Variants in TTN observed in about 807,000 individuals in gnomAD.
TTN encodes the protein titin.
TTN carries 1,525 observed loss-of-function variants against 3,223.0 expected under a neutral mutation model. The observed-to-expected ratio is 0.47, with a 90% CI of 0.45 to 0.49. The LOEUF (loss-of-function observed/expected upper bound fraction) is 0.49. Ranked by LOEUF, TTN falls within the 20% of genes least tolerant of loss-of-function variation. TTN has a pLI of 0.00. For missense variants in TTN, 40,786 were observed against 43,424.0 expected, an observed-to-expected ratio of 0.94 and a Z score of 5.40; for synonymous variants, 14,094 against 15,161.0, an observed-to-expected ratio of 0.93 and a Z score of 5.17.
Position 178,568,067 on chromosome 2 carries a change from A to C in TTN, c.78065T>G (p.Val26022Gly). Residue 26022 changes from valine to glycine, a missense_variant, in exon 326 of 363, where the codon GTC becomes GGC. Coordinates refer to ENST00000589042, the MANE Select transcript of TTN (RefSeq NM_001267550.2). Reference protein sequence around the residue: ...HEPVNNGGSPVIGYHLERKER... With the variant: ...HEPVNNGGSPGIGYHLERKER... ...TTTTCTCTCCAGGTGGTAACCTATG[A>C]CGGGGCTTCCACCATTGTTGACTGG... 3 of 1,613,390 alleles carry C rather than the reference A, an allele frequency of 1.9e-6. No homozygotes were observed. The highest frequency in any genetic ancestry group is 2.5e-6 in the Non-Finnish European group (3 of 1,179,578).
In TTN at chr2:178,562,214, T is replaced by C; in HGVS notation, c.83918A>G (p.Asn27973Ser). 6.2e-7 allele frequency: 1 copy of C among 1,612,712 alleles called. No individual in the cohort carries two copies. Among genetic ancestry groups the C allele is most frequent in the Non-Finnish European group, 8.5e-7 (1 of 1,179,410 alleles). Residue 27973 changes from asparagine to serine, a missense_variant, in exon 326 of 363, where the codon AAT (asparagine) becomes AGT (serine). Transcript: ENST00000589042. ...PSVELPFHTFNVKAREQLKID... is the reference protein window; with the variant it reads ...PSVELPFHTFSVKAREQLKID... ...CTTAAGTTGTTCTCTAGCCTTTACATTGAAAGTATGGAAAGGAAGCTCAAC... is the reference window on the plus strand; with the variant it reads ...CTTAAGTTGTTCTCTAGCCTTTACACTGAAAGTATGGAAAGGAAGCTCAAC...
At position 178,733,682 on chromosome 2, in the gene TTN, C is replaced by T. The variant is rs755295120; in HGVS notation, c.15707G>A (p.Gly5236Asp). The T allele has an allele frequency of 5.6e-6, 9 of 1,613,798 alleles. No homozygotes were observed. The Admixed American group carries it at 1.3e-4, about 24-fold the overall frequency. The change falls in exon 53 of 363, where the codon GGC (glycine) becomes GAC (aspartate). Residue 5236 changes from glycine (G) to aspartate (D), a missense_variant. Physicochemically the swap from Gly to Asp is moderately conservative, Grantham distance 94. Transcript: ENST00000589042. ...ATTTTCAGCCAGGCACGTGTATTTGCCTCCAAAACTAATCTGAACATCAGG... is the reference window on the plus strand; with the variant it reads ...ATTTTCAGCCAGGCACGTGTATTTGTCTCCAAAACTAATCTGAACATCAGG... ...IIPDVQISFG[G>D]KYTCLAENEA... is the part of the protein sequence containing the mutation.
In TTN at chr2:178,533,396, G is replaced by C; in HGVS notation, c.103219C>G (p.Pro34407Ala). ...CCTTCATGGATAATTTCAATGTTAG[G>C]CCCGAGGGACAGTGGCTGACCATCT... ...EKDGQPLSLG[P>A]NIEIIHEGLD... Residue 34407 changes from proline to alanine, a missense_variant, in exon 358 of 363, where the codon CCT (proline) becomes GCT (alanine). Coordinates refer to ENST00000589042, the MANE Select transcript of TTN (RefSeq NM_001267550.2). 6.2e-7 allele frequency: 1 copy of C among 1,613,642 alleles called. No homozygotes were observed. The highest frequency in any genetic ancestry group is 8.5e-7 in the Non-Finnish European group (1 of 1,179,858).
Position 178,784,175 on chromosome 2 carries a change from G to A in TTN, c.2670C>T (p.Tyr890=), listed in dbSNP as rs879035696. The change falls in exon 16 of 363, where the codon TAC becomes TAT. Residue 890 remains tyrosine, a synonymous_variant. Transcript: ENST00000589042. ...QFPFADTPDT[Y]KSEAGVEVKK... ...TCACCTCAACGCCAGCTTCACTCTT[G>A]TAAGTATCTGGTGTGTCAGCGAAGG... 1.9e-6 allele frequency: 3 copies of A among 1,614,036 alleles called. No individual in the cohort carries two copies. In the African/African-American group the frequency reaches 4.0e-5, roughly 22 times the overall value.
At position 178,635,235 on chromosome 2, in the gene TTN, T is replaced by C. The variant is rs779561282; in HGVS notation, c.41954A>G (p.Asp13985Gly). ...TIYEKESASFDAEISEADIPG... is the reference protein window; with the variant it reads ...TIYEKESASFGAEISEADIPG... ...AATGTCTGCCTCTGAGATTTCTGCA[T>C]CAAAGCTTGCACTTTCTTTCTCATA... Residue 13985 changes from aspartate to glycine, a missense_variant, in exon 228 of 363, where the codon GAT (aspartate) becomes GGT (glycine). Coordinates refer to ENST00000589042, the MANE Select transcript of TTN (RefSeq NM_001267550.2). The C allele has an allele frequency of 1.9e-6, 3 of 1,613,356 alleles. No individual in the cohort carries two copies. Among genetic ancestry groups the C allele is most frequent in the Non-Finnish European group, 1.7e-6 (2 of 1,179,516 alleles).
chr2:178,789,940 A>C (rs748598342), intron 12 of TTN, 38 bp downstream of exon 12: 38 of 1,611,408 alleles, frequency 2.4e-5, no homozygotes, highest in Non-Finnish European at 3.1e-5. Context: ...AAATTAGTTT[A>C]AAGATGAACT....
chr2:178,651,429 C>A (rs72650065), intron 207 of TTN, 24 bp downstream of exon 207: 1 of 1,604,048 alleles, frequency 6.2e-7, no homozygotes, highest in South Asian at 1.1e-5. Context: ...CCGCCCCCAT[C>A]AAACAGTGGA....
In TTN at chr2:178,563,403, G is replaced by C; in HGVS notation, c.82729C>G (p.Pro27577Ala). Residue 27577 changes from proline (P) to alanine (A), a missense_variant, in exon 326 of 363, where the codon CCA becomes GCA. Transcript: ENST00000589042. This position sits in a 1 kb window ranked among gnomAD's most constrained non-coding sequence, Gnocchi z 4.5. ...GATCTGGAAGTGTCCGTCACTTTTG[G>C]ATTGCTTGGGGGACCTGGTGGATAC... is the stretch of plus-strand genomic sequence containing the variant. Reference protein sequence around the residue: ...ALYPPGPPSNPKVTDTSRSSV... With the variant: ...ALYPPGPPSNAKVTDTSRSSV... The C allele has an allele frequency of 6.2e-7, 1 of 1,613,562 alleles. No homozygotes were observed. The highest frequency in any genetic ancestry group is 1.1e-5 in the South Asian group (1 of 91,078).
In TTN at chr2:178,614,185, G is replaced by T. The variant is rs749784602; in HGVS notation, c.49212C>A (p.Thr16404=). 1.2e-6 allele frequency: 2 copies of T among 1,612,188 alleles called. No individual in the cohort carries two copies. Among genetic ancestry groups the T allele is most frequent in the Non-Finnish European group, 1.7e-6 (2 of 1,179,170 alleles). The change falls in exon 262 of 363, where the codon ACC becomes ACA. Residue 16404 remains threonine, a synonymous_variant. Transcript: ENST00000589042. ...DSEVWHKLSS[T]VKDTNFKATK... Reference sequence around the variant, plus strand: ...TGGCCTTGAAGTTTGTATCCTTGACGGTGGATGAGAGCTTGTGCCACACTT... The same window carrying T: ...TGGCCTTGAAGTTTGTATCCTTGACTGTGGATGAGAGCTTGTGCCACACTT...
chr2:178,593,642 C>G lies in TTN; in HGVS notation c.58658G>C (p.Arg19553Pro). 3.1e-6 allele frequency: 5 copies of G among 1,612,986 alleles called. No individual in the cohort carries two copies. The highest frequency in any genetic ancestry group is 4.2e-6 in the Non-Finnish European group (5 of 1,179,538). ...KLLEGKDYIF[R>P]IHAENLYGIS... ...TCCATACAGATTTTCAGCATGTATC[C>G]GGAAAATATAATCTTTTCCTTCAAG... is the stretch of plus-strand genomic sequence containing the variant. The change falls in exon 298 of 363, where the codon CGG (arginine) becomes CCG (proline). Residue 19553 changes from arginine to proline, a missense_variant. Arg to Pro is a moderately radical substitution (Grantham distance 103). Coordinates refer to ENST00000589042, the MANE Select transcript of TTN (RefSeq NM_001267550.2).
At chr2:178,580,740 T>C (rs1205164309) in intron 316 of TTN, 131 bp from the exon 317 acceptor site, 3 of 868,832 alleles carry the variant, frequency 3.5e-6, no homozygotes, top group African/African-American at 1.7e-5. Flanking sequence ...ACTTCCTTAA[T>C]ACAATCCTCA....
rs1559388448 is a variant in TTN at position 178,570,260 on chromosome 2, A to G, written c.75872T>C (p.Leu25291Pro). ...AVNKYGVGEP[L>P]ESEPVVAKNP... ...CTTGGCAACTACTGGCTCAGATTCA[A>G]GAGGTTCACCAACACCATATTTGTT... The change falls in exon 326 of 363, where the codon CTT becomes CCT. Residue 25291 changes from leucine (L) to proline (P), a missense_variant. By Grantham distance (98) the Leu-to-Pro change is moderately conservative. Coordinates refer to ENST00000589042, the MANE Select transcript of TTN (RefSeq NM_001267550.2). The G allele has an allele frequency of 1.9e-6, 3 of 1,613,400 alleles. No individual in the cohort carries two copies. The highest frequency in any genetic ancestry group is 2.5e-6 in the Non-Finnish European group (3 of 1,179,624).
intron 102 of TTN, among the ~76,000 whole-genome samples, chr2:178,705,735 T>C (rs971919993): frequency 6.6e-6 from 1 of 152,120 alleles, no homozygotes; most frequent in African/African-American, 2.4e-5. Context: ...ACGGAAACGA[T>C]GTGTGGAAAT....
chr2:178,790,046 C>G lies in TTN; in HGVS notation c.1870G>C (p.Asp624His). 6.2e-7 allele frequency: 1 copy of G among 1,613,262 alleles called. No homozygotes were observed. The change falls in exon 12 of 363, where the codon GAT (aspartate) becomes CAT (histidine). Residue 624 changes from aspartate to histidine, a missense_variant. By Grantham distance (81) the Asp-to-His change is moderately conservative. Transcript: ENST00000589042. Reference sequence around the variant, plus strand: ...CCTTCTCTACCTCTTGATACTAAATCTTGTTCTTTGACTTTGGGTGTGGCA... The same window carrying G: ...CCTTCTCTACCTCTTGATACTAAATGTTGTTCTTTGACTTTGGGTGTGGCA... ...IVATPKVKEQ[D>H]LVSRGREGIT...
chr2:178,695,233 C>A, intron 115 of TTN, 115 bp downstream of exon 115: 1 of 710,026 alleles, frequency 1.4e-6, no homozygotes, highest in Non-Finnish European at 2.3e-6. Flanking sequence ...CACAATAAAG[C>A]TTAGAGAAGA....
chr2:178,598,428 A>G, intron 292 of TTN, 78 bp downstream of exon 292: 1 of 1,510,358 alleles, frequency 6.6e-7, no homozygotes, highest in Non-Finnish European at 8.9e-7. Flanking sequence ...GTATAGACAG[A>G]AGTTAATGGG....
chr2:178,724,613 T>C (rs1322411186), intron 71 of TTN, 75 bp from the exon 72 acceptor site: 3 of 1,426,458 alleles, frequency 2.1e-6, no homozygotes, highest in Admixed American at 5.5e-5. Context: ...TTCACTAAGA[T>C]TGTTTCTCCC....
chr2:178,728,689 C>A lies in TTN; in HGVS notation c.19237G>T (p.Glu6413Ter), dbSNP rs1003952760. 2 of 1,613,242 alleles carry A rather than the reference C, an allele frequency of 1.2e-6. No homozygotes were observed. Among genetic ancestry groups the A allele is most frequent in the African/African-American group, 2.7e-5 (2 of 74,882 alleles). Residue 6413 changes from glutamate (E) to a stop codon, truncating the protein, a stop_gained, in exon 66 of 363, where the codon GAA becomes TAA. Coordinates refer to ENST00000589042, the MANE Select transcript of TTN (RefSeq NM_001267550.2). LOFTEE classifies it high-confidence loss of function. Reference sequence around the variant, plus strand: ...TCTTTAAGCCATTTCACTTTGAGTTCTGGTGTTCCAGCCACAACACATTCC... The same window carrying A: ...TCTTTAAGCCATTTCACTTTGAGTTATGGTGTTCCAGCCACAACACATTCC... ...TLECVVAGTP[E>*]LKVKWLKDGK...
chr2:178,722,566 A>G lies in TTN; in HGVS notation c.22241-20T>C. On this transcript the variant is annotated intron_variant, in intron 76 of 362. Coordinates refer to ENST00000589042, the MANE Select transcript of TTN (RefSeq NM_001267550.2). ...GGCGCTCTGTAGGGAGACATGTAATACTTAAGGTGTTAGGAGATGAAATGA... is the reference window on the plus strand; with the variant it reads ...GGCGCTCTGTAGGGAGACATGTAATGCTTAAGGTGTTAGGAGATGAAATGA... The G allele has an allele frequency of 6.2e-7, 1 of 1,601,804 alleles. No individual in the cohort carries two copies. The highest frequency in any genetic ancestry group is 8.5e-7 in the Non-Finnish European group (1 of 1,173,654).
Sources: allele counts gnomAD v4.1 joint callset (sites outside exome capture counted in the v4.1 genomes callset), GRCh38; gene constraint gnomAD v4.1.1; non-coding constraint Gnocchi (gnomAD v3.1); transcripts MANE v1.5; gene names NCBI Gene and HGNC (gene_info 2026-07-23, HGNC 2026-07-21).